Variants in PARD3 observed in about 807,000 individuals in gnomAD.
PARD3 encodes partitioning defective 3 homolog.
PARD3 carries 75 observed loss-of-function variants against 155.4 expected under a neutral mutation model. That is an observed-to-expected ratio of 0.48 (90% CI 0.40 to 0.58). The LOEUF is 0.58. PARD3 is among the 20% of genes least tolerant of loss of function. The pLI, the probability that PARD3 is intolerant of heterozygous loss-of-function variation, is 0.00. For missense variants in PARD3, 1,642 were observed against 1,721.7 expected (o/e 0.95, Z 0.82); for synonymous variants, 576 against 610.5 (o/e 0.94, Z 0.83).
At chr10:34,650,341 G>A (rs2092969070) in intron 2 of PARD3, among the ~76,000 whole-genome samples, 2 of 152,230 alleles carry the variant, frequency 1.3e-5, no homozygotes, top group African/African-American at 4.8e-5. Flanking sequence ...GAACTTCTCA[G>A]TTCCATTATA....
intron 2 of PARD3, among the ~76,000 whole-genome samples, chr10:34,634,320 C>T (rs1331423683): frequency 2.6e-5 from 4 of 152,080 alleles, no homozygotes; most frequent in Non-Finnish European, 5.9e-5. Context: ...GTACGTATAG[C>T]GGGAAACCAT....
At chr10:34,332,242 G>A (rs1196315059) in intron 18 of PARD3, among the ~76,000 whole-genome samples, 1 of 152,108 alleles carries the variant, frequency 6.6e-6, no homozygotes, top group Non-Finnish European at 1.5e-5. Context: ...GTTGTGGAAG[G>A]CAATCAAAAC....
chr10:34,748,647 C>A (rs946940622), intron 1 of PARD3, among the ~76,000 whole-genome samples: 5 of 151,930 alleles, frequency 3.3e-5, no homozygotes, highest in African/African-American at 7.3e-5. Flanking sequence ...TAGCAGCATC[C>A]CCCCCTGCTC....
At chr10:34,269,552 T>C (rs1258931664) in intron 22 of PARD3, 105 bp downstream of exon 22, 2 of 1,303,704 alleles carry the variant, frequency 1.5e-6, no homozygotes, top group East Asian at 2.3e-5. Flanking sequence ...AGGCCATTAA[T>C]AAAAGGCAAT....
chr10:34,763,400 T>A (rs1009191085), intron 1 of PARD3, among the ~76,000 whole-genome samples: 17 of 152,310 alleles, frequency 1.1e-4, no homozygotes, highest in African/African-American at 4.1e-4. Flanking sequence ...TGATATTAAG[T>A]GGCAATGCCA....
intron 9 of PARD3, among the ~76,000 whole-genome samples, chr10:34,378,815 A>G (rs1453608995): frequency 6.6e-6 from 1 of 152,110 alleles, no homozygotes; most frequent in Admixed American, 6.5e-5. Flanking sequence ...AAAGGTACTA[A>G]ATTAATGATG....
At chr10:34,276,635 A>C (rs1955895426) in intron 21 of PARD3, among the ~76,000 whole-genome samples, 1 of 152,178 alleles carries the variant, frequency 6.6e-6, no homozygotes, top group Non-Finnish European at 1.5e-5. Context: ...ATATATCCAG[A>C]AAAGGTACCA....
intron 2 of PARD3, among the ~76,000 whole-genome samples, chr10:34,524,834 A>G (rs1311365310): frequency 6.6e-6 from 1 of 152,244 alleles, no homozygotes; most frequent in Non-Finnish European, 1.5e-5. Flanking sequence ...TTGTGATTTT[A>G]TCATGAACAC....
rs1441701782 is a variant in PARD3 at position 34,581,873 on chromosome 10, TAA to T, written c.223-64716_223-64715del. Among the ~76,000 whole-genome samples, 4 of 152,228 alleles carry T rather than the reference TAA, an allele frequency of 2.6e-5. No individual in the cohort carries two copies. In the East Asian group the frequency reaches 7.7e-4, roughly 29 times the overall value. On this transcript the variant is annotated intron_variant, in intron 2 of 24. Transcript: ENST00000374788. ...TATTATGGGCAATCCCTCTTGTGTC[TAA>T]AAACTACTATTTAACATGCTTGACA...
chr10:34,227,883 T>TATATATATATATATATATATAC (rs1491222875), intron 22 of PARD3, among the ~76,000 whole-genome samples: 7 of 130,456 alleles, frequency 5.4e-5, no homozygotes, highest in African/African-American at 1.5e-4. Flanking sequence ...TATATATATA[T>TATATATATATATATATATATAC]ACTGGGAATA....
chr10:34,755,179 A>G (rs1023832253), intron 1 of PARD3, among the ~76,000 whole-genome samples: 4 of 151,722 alleles, frequency 2.6e-5, no homozygotes, highest in Admixed American at 2.6e-4. Flanking sequence ...AGGCGGGCAG[A>G]TCACTTGAGG....
chr10:34,755,461 T>G (rs1836597191), intron 1 of PARD3, among the ~76,000 whole-genome samples: 1 of 152,004 alleles, frequency 6.6e-6, no homozygotes, highest in South Asian at 2.1e-4. Context: ...AAGAGCCCAG[T>G]GCAAGGGTAT....
At chr10:34,612,240 A>C (rs986722496) in intron 2 of PARD3, among the ~76,000 whole-genome samples, 3 of 152,304 alleles carry the variant, frequency 2.0e-5, no homozygotes, top group African/African-American at 7.2e-5. Context: ...TTGTATGTTT[A>C]TGCCTAAGTG....
chr10:34,431,461 C>T (rs1723514027), intron 5 of PARD3, among the ~76,000 whole-genome samples: 1 of 152,124 alleles, frequency 6.6e-6, no homozygotes, highest in Non-Finnish European at 1.5e-5. Context: ...GTAGCTCAGG[C>T]TGGGTGCAAG....
intron 24 of PARD3, 121 bp from the exon 25 acceptor site, chr10:34,111,683 TCACATGCCAGA>T: frequency 1.2e-6 from 1 of 815,560 alleles, no homozygotes; most frequent in Non-Finnish European, 1.9e-6. Context: ...TGTTCTCTCA[TCACATGCCAGA>T]CACTGCGATA....
chr10:34,437,737 T>C (rs1363534687), intron 5 of PARD3, among the ~76,000 whole-genome samples: 1 of 152,176 alleles, frequency 6.6e-6, no homozygotes, highest in Non-Finnish European at 1.5e-5. Context: ...GGAGGGAATA[T>C]TTAACTATGT....
intron 2 of PARD3, among the ~76,000 whole-genome samples, chr10:34,567,868 T>C (rs2086081607): frequency 6.6e-6 from 1 of 151,832 alleles, no homozygotes; most frequent in Admixed American, 6.5e-5. Flanking sequence ...GTCCTCAGAA[T>C]CGTGAGATGT....
chr10:34,703,476 AAAG>A (rs1169600425), intron 1 of PARD3, among the ~76,000 whole-genome samples: 5 of 152,084 alleles, frequency 3.3e-5, no homozygotes, highest in Admixed American at 2.6e-4. Flanking sequence ...AAAAAAAGAC[AAAG>A]AAGATAAAAA....
chr10:34,138,769 C>T (rs1948032277), intron 22 of PARD3, among the ~76,000 whole-genome samples: 1 of 152,138 alleles, frequency 6.6e-6, no homozygotes, highest in South Asian at 2.1e-4. Context: ...ATCTACTTCT[C>T]AGCCCTAGCA....
Sources: gnomAD v4.1 joint callset for allele counts (sites outside exome capture counted in the v4.1 genomes callset) on GRCh38, gnomAD v4.1.1 for gene constraint, MANE v1.5 for transcripts, NCBI Gene and HGNC (gene_info 2026-07-23, HGNC 2026-07-21) for gene names.